Variants in LRIF1 observed in about 807,000 individuals in gnomAD.
The protein encoded by LRIF1 is ligand dependent nuclear receptor interacting factor 1.
In LRIF1, 32 loss-of-function variants were observed where a neutral mutation model predicts 52.7. That is an observed-to-expected ratio of 0.61 (90% CI 0.46 to 0.82). The LOEUF (loss-of-function observed/expected upper bound fraction) is 0.82, where lower values mean the gene tolerates loss of function less well. LRIF1 is among the 40% of genes least tolerant of loss of function. The probability of loss-of-function intolerance (pLI) is 0.00; values close to 1 mark genes in which losing one functional copy is unlikely to be tolerated. For missense variants in LRIF1, 887 were observed against 892.0 expected (o/e 0.99, Z 0.07); for synonymous variants, 323 against 317.4 (o/e 1.02, Z -0.19).
At chr1:110,903,625 C>T in the LRIF1 span, among the ~76,000 whole-genome samples, 1 of 152,172 alleles carries the variant, frequency 6.6e-6, no homozygotes, top group Non-Finnish European at 1.5e-5. Flanking sequence ...AGCAGTGAAA[C>T]CAAGTTACTA....
the LRIF1 span, among the ~76,000 whole-genome samples, chr1:110,885,536 TCAAAAAA>T: frequency 6.7e-6 from 1 of 149,570 alleles, no homozygotes; most frequent in Non-Finnish European, 1.5e-5. Flanking sequence ...AGACTCTGTC[TCAAAAAA>T]CAAAAAACAA....
At chr1:110,957,797 T>C (rs1298699976) in intron 1 of LRIF1, among the ~76,000 whole-genome samples, 1 of 152,228 alleles carries the variant, frequency 6.6e-6, no homozygotes, top group African/African-American at 2.4e-5. Context: ...TTATTTACTT[T>C]AAATTCATCC....
chr1:110,929,457 C>T, the LRIF1 span, among the ~76,000 whole-genome samples: 1 of 152,140 alleles, frequency 6.6e-6, no homozygotes, highest in Non-Finnish European at 1.5e-5. Context: ...AATAGTCATT[C>T]TGACTGATGT....
chr1:110,918,163 C>T, the LRIF1 span, among the ~76,000 whole-genome samples: 2 of 151,962 alleles, frequency 1.3e-5, no homozygotes, highest in African/African-American at 4.8e-5. Context: ...CATACAAAAC[C>T]AAAAGAAATC....
At chr1:110,919,447 G>GACTA in the LRIF1 span, among the ~76,000 whole-genome samples, 89,741 of 151,454 alleles carry the variant, frequency 0.59, 27,080 homozygotes, top group East Asian at 0.84. Context: ...TTGAAGTTTG[G>GACTA]ACTCTCTTGC....
At chr1:110,912,251 G>A in the LRIF1 span, among the ~76,000 whole-genome samples, 2 of 151,126 alleles carry the variant, frequency 1.3e-5, no homozygotes, top group Non-Finnish European at 2.9e-5. Context: ...TGGCTCTATC[G>A]CCCAGACTGG....
chr1:110,887,154 C>T, the LRIF1 span, among the ~76,000 whole-genome samples: 3 of 152,032 alleles, frequency 2.0e-5, no homozygotes, highest in East Asian at 1.9e-4. Flanking sequence ...AGCTCCGTCT[C>T]CCGGGTTCAC....
the LRIF1 span, among the ~76,000 whole-genome samples, chr1:110,931,780 A>C: frequency 0.057 from 8,745 of 152,130 alleles, 294 homozygotes; most frequent in East Asian, 0.13. Context: ...GCATAAATGT[A>C]TTCTTTTGAG....
the LRIF1 span, among the ~76,000 whole-genome samples, chr1:110,932,133 T>G: frequency 6.6e-6 from 1 of 152,226 alleles, no homozygotes; most frequent in Non-Finnish European, 1.5e-5. Context: ...CATTTAAGTC[T>G]TCAATCCATT....
the LRIF1 span, among the ~76,000 whole-genome samples, chr1:110,882,861 T>C: frequency 6.6e-6 from 1 of 152,070 alleles, no homozygotes; most frequent in African/African-American, 2.4e-5. Context: ...TGATTTCTAA[T>C]GGTTACTAGT....
At chr1:110,878,987 G>GA in the LRIF1 span, among the ~76,000 whole-genome samples, 33,126 of 151,470 alleles carry the variant, frequency 0.22, 4,364 homozygotes, top group Middle Eastern at 0.38. Context: ...GGTACAAATG[G>GA]AAAAAAAACA....
At chr1:110,893,514 G>A in the LRIF1 span, among the ~76,000 whole-genome samples, 1 of 152,156 alleles carries the variant, frequency 6.6e-6, no homozygotes, top group South Asian at 2.1e-4. Context: ...TAGAGACAGG[G>A]TTTCTCCATA....
Position 110,963,749 on chromosome 1 carries a change from C to T in LRIF1, c.-61G>A, listed in dbSNP as rs184111409. 73 of 1,353,856 alleles carry T rather than the reference C, an allele frequency of 5.4e-5. No homozygotes were observed. In the African/African-American group the frequency reaches 9.1e-4, roughly 17 times the overall value. 83.9% of individuals were successfully genotyped at this position (1,353,856 alleles called of 1,614,324 possible). A position where few individuals can be genotyped will look rare whatever the true frequency, so the allele number is the denominator to read the frequency against. Reference sequence around the variant, plus strand: ...AGTGGGAAGCGTGGGGCCGAGTTTCCCAATGGGGCGAGAACCAGAGCGAGG... The same window carrying T: ...AGTGGGAAGCGTGGGGCCGAGTTTCTCAATGGGGCGAGAACCAGAGCGAGG... On this transcript the variant is annotated 5_prime_UTR_variant, in exon 1 of 4. Coordinates refer to ENST00000369763, the MANE Select transcript of LRIF1 (RefSeq NM_018372.4).
the LRIF1 span, among the ~76,000 whole-genome samples, chr1:110,906,036 G>A: frequency 6.6e-6 from 1 of 151,394 alleles, no homozygotes; most frequent in African/African-American, 2.4e-5. Flanking sequence ...GATGCACAAG[G>A]AATAAAAAGC....
the LRIF1 span, chr1:110,899,493 T>A: frequency 3.6e-6 from 1 of 278,346 alleles, no homozygotes; most frequent in Admixed American, 5.1e-5. Context: ...TGGCCCAACA[T>A]CAAAGGGTGA....
chr1:110,914,650 G>A, the LRIF1 span, among the ~76,000 whole-genome samples: 8,497 of 152,184 alleles, frequency 0.056, 288 homozygotes, highest in East Asian at 0.14. Context: ...TTACTCAGGA[G>A]GCTGAGGCAG....
At chr1:110,933,492 A>C in the LRIF1 span, among the ~76,000 whole-genome samples, 1 of 152,148 alleles carries the variant, frequency 6.6e-6, no homozygotes, top group African/African-American at 2.4e-5. Context: ...CCCCAACAGC[A>C]GCCAGGTGGT....
At chr1:110,939,313 G>C in the LRIF1 span, 1 of 146,272 alleles carries the variant, frequency 6.8e-6, no homozygotes, top group African/African-American at 2.5e-5. Flanking sequence ...GGGAGGCGGA[G>C]CTTGCAGTGA....
At chr1:110,875,826 G>A in the LRIF1 span, among the ~76,000 whole-genome samples, 10 of 152,314 alleles carry the variant, frequency 6.6e-5, no homozygotes, top group African/African-American at 2.2e-4. Flanking sequence ...CTGGAGGTAG[G>A]TTTTGGGAAA....
Sources: gnomAD v4.1 joint callset for allele counts (sites outside exome capture counted in the v4.1 genomes callset) on GRCh38, gnomAD v4.1.1 for gene constraint, MANE v1.5 for transcripts, NCBI Gene and HGNC (gene_info 2026-07-23, HGNC 2026-07-21) for gene names.